The following UBR3 variants were observed in gnomAD, a reference collection of about 807,000 sequenced individuals.
The protein encoded by UBR3 is E3 ubiquitin-protein ligase UBR3.
Under a neutral mutation model 243.2 loss-of-function variants are expected in UBR3, and 85 were observed. That is an observed-to-expected ratio of 0.35 (90% confidence interval 0.29 to 0.42). The LOEUF (loss-of-function observed/expected upper bound fraction) is 0.42. UBR3 is among the 10% of genes least tolerant of loss of function. The pLI is 1.00. For missense variants in UBR3, 1,686 were observed against 2,300.8 expected, an observed-to-expected ratio of 0.73 and a Z score of 5.47; for synonymous variants, 748 against 799.8, an observed-to-expected ratio of 0.94 and a Z score of 1.09.
At chr2:169,852,869 AAAAAAAAAAC>A (rs2082708041) in intron 1 of UBR3, among the ~76,000 whole-genome samples, 1 of 145,360 alleles carries the variant, frequency 6.9e-6, no homozygotes, top group South Asian at 2.2e-4. Context: ...AAAAAAAAAA[AAAAAAAAAAC>A]AAAACCAAAC....
At chr2:169,873,755 C>G (rs2083506123) in intron 2 of UBR3, among the ~76,000 whole-genome samples, 2 of 152,168 alleles carry the variant, frequency 1.3e-5, no homozygotes, top group African/African-American at 4.8e-5. Flanking sequence ...TTTCAAATTA[C>G]TGTCTCTTCG....
chr2:169,888,177 C>T (rs1344188500), intron 5 of UBR3, among the ~76,000 whole-genome samples: 3 of 137,954 alleles, frequency 2.2e-5, no homozygotes, highest in African/African-American at 5.4e-5. Context: ...GTCTCTTTGT[C>T]GCCCAGGCTG....
chr2:170,070,592 C>G (rs372953788), intron 35 of UBR3, among the ~76,000 whole-genome samples: 7 of 152,110 alleles, frequency 4.6e-5, no homozygotes, highest in African/African-American at 1.7e-4. Context: ...CATAAGGAAT[C>G]TCCAAAGAAA....
intron 11 of UBR3, among the ~76,000 whole-genome samples, chr2:169,916,895 C>T (rs941005152): frequency 6.6e-6 from 1 of 152,120 alleles, no homozygotes; most frequent in Admixed American, 6.5e-5. Flanking sequence ...ATCTCAACCC[C>T]TCAATTACCC....
chr2:169,989,004 A>AT (rs576203448), intron 25 of UBR3, among the ~76,000 whole-genome samples: 25 of 151,986 alleles, frequency 1.6e-4, no homozygotes, highest in Non-Finnish European at 3.2e-4. Flanking sequence ...AATATGGAAA[A>AT]TTTTTAACAG....
At chr2:170,059,329 C>T (rs1232494597) in intron 33 of UBR3, among the ~76,000 whole-genome samples, 1 of 152,154 alleles carries the variant, frequency 6.6e-6, no homozygotes, top group African/African-American at 2.4e-5. Context: ...AACAGAAATA[C>T]TCTTCTGTTG....
At chr2:169,882,886 A>G (rs1053071206) in intron 5 of UBR3, among the ~76,000 whole-genome samples, 2 of 152,240 alleles carry the variant, frequency 1.3e-5, no homozygotes, top group Non-Finnish European at 2.9e-5. Flanking sequence ...TTTATGGATG[A>G]AAAAACTGAA....
intron 27 of UBR3, among the ~76,000 whole-genome samples, chr2:170,002,169 C>T (rs1044854247): frequency 3.3e-5 from 5 of 152,076 alleles, no homozygotes; most frequent in African/African-American, 1.2e-4. Context: ...TTGCTATCCT[C>T]ACTTTCTTGT....
In UBR3 at chr2:169,986,642, C is replaced by T. The variant is rs2089016699; in HGVS notation, c.3635-3C>T. ...TTAAAGAGATGTAACTTTTTTCCCT[C>T]AGATTCTCCTGAGAATGATATTCCT... On this transcript the variant is annotated splice_region_variant and splice_polypyrimidine_tract_variant and intron_variant, in intron 24 of 38. Coordinates refer to ENST00000272793, the MANE Select transcript of UBR3 (RefSeq NM_172070.4). 4 of 1,601,782 alleles carry T rather than the reference C, an allele frequency of 2.5e-6. No homozygotes were observed. Among genetic ancestry groups the T allele is most frequent in the Non-Finnish European group, 3.4e-6 (4 of 1,175,610 alleles).
chr2:169,936,186 A>G (rs995726573), intron 19 of UBR3, among the ~76,000 whole-genome samples: 40 of 152,074 alleles, frequency 2.6e-4, no homozygotes, highest in Admixed American at 5.9e-4. Context: ...CAGCCTCCCT[A>G]GTAGCTGGGA....
At chr2:169,848,743 C>T (rs2082566656) in intron 1 of UBR3, among the ~76,000 whole-genome samples, 1 of 150,594 alleles carries the variant, frequency 6.6e-6, no homozygotes, top group Non-Finnish European at 1.5e-5. Flanking sequence ...AATTCTGTTG[C>T]CCAGGCTGGA....
At chr2:169,847,072 T>C (rs986451087) in intron 1 of UBR3, among the ~76,000 whole-genome samples, 6 of 146,436 alleles carry the variant, frequency 4.1e-5, no homozygotes, top group African/African-American at 1.5e-4. Flanking sequence ...TGGTGTCTTT[T>C]CTTAAACTGT....
chr2:169,902,095 T>C lies in UBR3; in HGVS notation c.1466-3019T>C, dbSNP rs191265151. The stretch of plus-strand genomic sequence containing the variant: ...TGAGCACATGAATGTGTGTTTTGAT[T>C]CCACTGTCTAACTATCTAAACAGCT... On this transcript the variant is annotated intron_variant, in intron 8 of 38. Coordinates refer to ENST00000272793, the MANE Select transcript of UBR3 (RefSeq NM_172070.4). Among the ~76,000 whole-genome samples the C allele has an allele frequency of 8.5e-5, 13 of 152,352 alleles. No individual in the cohort carries two copies. The East Asian group carries it at 2.5e-3, about 29-fold the overall frequency.
chr2:169,972,129 T>TAC, intron 24 of UBR3, among the ~76,000 whole-genome samples: 1 of 152,022 alleles, frequency 6.6e-6, no homozygotes, highest in Non-Finnish European at 1.5e-5. Flanking sequence ...CAGAGAATAC[T>TAC]AAACACCTCT....
At position 170,081,869 on chromosome 2, in the gene UBR3, T is replaced by C. The variant is rs1444899832; in HGVS notation, c.*26T>C. The C allele has an allele frequency of 7.1e-7, 1 of 1,414,218 alleles. No individual in the cohort carries two copies. The allele number at this position is 1,414,218 out of a possible 1,614,324, so 87.6% of individuals were successfully genotyped here. A position where few individuals can be genotyped will look rare whatever the true frequency, so the allele number is the denominator to read the frequency against. On this transcript the variant is annotated 3_prime_UTR_variant, in exon 39 of 39. Coordinates refer to ENST00000272793, the MANE Select transcript of UBR3 (RefSeq NM_172070.4). ...CTCTCCACCTCAGCATTGCATCGTA[T>C]CATCATTTTCGCTACGAATTTATTT...
chr2:169,837,453 G>A (rs1453492643), intron 1 of UBR3, among the ~76,000 whole-genome samples: 1 of 152,248 alleles, frequency 6.6e-6, no homozygotes, highest in Non-Finnish European at 1.5e-5. Flanking sequence ...TCCAGCCTGG[G>A]CAACAAGAGG....
intron 32 of UBR3, 80 bp downstream of exon 32, chr2:170,041,065 G>C: frequency 7.3e-7 from 1 of 1,365,332 alleles, no homozygotes; most frequent in Non-Finnish European, 1.0e-6. Flanking sequence ...CAAATAGGCT[G>C]GGTGTGGTGG....
At chr2:169,854,373 G>A (rs2082764960) in intron 1 of UBR3, among the ~76,000 whole-genome samples, 1 of 152,118 alleles carries the variant, frequency 6.6e-6, no homozygotes, top group South Asian at 2.1e-4. Context: ...TCTCATCATG[G>A]ACTCAATTTC....
At chr2:170,019,259 T>A (rs879933941) in intron 30 of UBR3, among the ~76,000 whole-genome samples, 31 of 152,344 alleles carry the variant, frequency 2.0e-4, no homozygotes, top group African/African-American at 7.5e-4. Context: ...ATCAAGAAAT[T>A]ATGCATAGTC....
Sources: allele counts gnomAD v4.1 joint callset (sites outside exome capture counted in the v4.1 genomes callset), GRCh38; gene constraint gnomAD v4.1.1; transcripts MANE v1.5; gene names NCBI Gene and HGNC (gene_info 2026-07-23, HGNC 2026-07-21).